The following ERBB4 variants were observed in gnomAD, a reference collection of about 807,000 sequenced individuals.
The protein encoded by ERBB4 is erb-b2 receptor tyrosine kinase 4, also known as receptor tyrosine-protein kinase erbB-4.
A neutral mutation model predicts 158.0 loss-of-function variants in ERBB4; 42 were observed. The observed-to-expected ratio is 0.27, with a 90% CI of 0.21 to 0.34. The LOEUF (loss-of-function observed/expected upper bound fraction) is 0.34. ERBB4 is among the 10% of genes least tolerant of loss of function. ERBB4 has a pLI of 1.00. For synonymous variants in ERBB4, 583 were observed against 558.7 expected (o/e 1.04, Z -0.61); for missense variants, 1,333 against 1,624.1 (o/e 0.82, Z 3.08).
In ERBB4 at chr2:212,347,619, T is replaced by C. The variant is rs867072648; in HGVS notation, c.82+190830A>G. 2.8e-4 allele frequency among the ~76,000 whole-genome samples: 42 copies of C among 152,260 alleles called. No individual in the cohort carries two copies. The Middle Eastern group carries it at 0.041, about 148-fold the overall frequency. On this transcript the variant is annotated intron_variant, in intron 1 of 27. Transcript: ENST00000342788. Reference sequence around the variant, plus strand: ...TTGCAGATATTTGATTGTCTAAAATTTTGGAATATTTGCAGTATGCAGTAT... The same window carrying C: ...TTGCAGATATTTGATTGTCTAAAATCTTGGAATATTTGCAGTATGCAGTAT...
At chr2:211,490,312 C>A (rs1461134724) in intron 20 of ERBB4, among the ~76,000 whole-genome samples, 7 of 150,868 alleles carry the variant, frequency 4.6e-5, no homozygotes, top group Non-Finnish European at 3.0e-5. Context: ...TTATTTCTTT[C>A]TTTATAGCAT....
chr2:212,451,563 A>G (rs1003318969), intron 1 of ERBB4, among the ~76,000 whole-genome samples: 1 of 152,202 alleles, frequency 6.6e-6, no homozygotes, highest in African/African-American at 2.4e-5. Flanking sequence ...CTCTATTTTC[A>G]TTAGTTATTA....
At chr2:211,944,177 C>CTATATATATATATACTA (rs1559154451) in intron 3 of ERBB4, among the ~76,000 whole-genome samples, 2 of 38,582 alleles carry the variant, frequency 5.2e-5, no homozygotes, top group Non-Finnish European at 1.1e-4. Flanking sequence ...TATATATATA[C>CTATATATATATATACTA]TATATATATA....
At chr2:211,813,373 A>G (rs2076803778) in intron 3 of ERBB4, among the ~76,000 whole-genome samples, 1 of 152,230 alleles carries the variant, frequency 6.6e-6, no homozygotes, top group Admixed American at 6.5e-5. Context: ...AGACCTCTAC[A>G]ATAATGAATC....
intron 1 of ERBB4, among the ~76,000 whole-genome samples, chr2:212,314,865 C>T (rs2106247424): frequency 6.6e-6 from 1 of 151,292 alleles, no homozygotes; most frequent in East Asian, 2.0e-4. Flanking sequence ...CTTTCCATTG[C>T]TAACAGATGT....
At chr2:211,639,181 G>A (rs1385152442) in intron 16 of ERBB4, among the ~76,000 whole-genome samples, 2 of 151,814 alleles carry the variant, frequency 1.3e-5, no homozygotes, top group Admixed American at 6.6e-5. Flanking sequence ...CTTTATTATT[G>A]TTTATATACT....
At chr2:211,997,689 C>T (rs1559280005) in intron 2 of ERBB4, among the ~76,000 whole-genome samples, 1 of 151,928 alleles carries the variant, frequency 6.6e-6, no homozygotes, top group African/African-American at 2.4e-5. Context: ...CCCTTCTTCC[C>T]CTCTGTCCTT....
At chr2:211,795,126 T>C (rs1053340224) in intron 3 of ERBB4, among the ~76,000 whole-genome samples, 15 of 151,868 alleles carry the variant, frequency 9.9e-5, no homozygotes, top group African/African-American at 3.6e-4. Context: ...TAATATATGC[T>C]ATATTATAAA....
intron 14 of ERBB4, among the ~76,000 whole-genome samples, chr2:211,668,889 G>T (rs2071726360): frequency 6.6e-6 from 1 of 152,026 alleles, no homozygotes; most frequent in African/African-American, 2.4e-5. Context: ...CCATAACAGG[G>T]AGGCTCGCTG....
chr2:212,441,038 T>C (rs2092243578), intron 1 of ERBB4, among the ~76,000 whole-genome samples: 1 of 152,180 alleles, frequency 6.6e-6, no homozygotes, highest in African/African-American at 2.4e-5. Flanking sequence ...TGTGAGTGGC[T>C]GATCTGCAAC....
intron 1 of ERBB4, among the ~76,000 whole-genome samples, chr2:212,471,786 T>C (rs1689130653): frequency 6.6e-6 from 1 of 151,954 alleles, no homozygotes; most frequent in Non-Finnish European, 1.5e-5. Context: ...TTAATGCTAA[T>C]AACACTGCTA....
intron 1 of ERBB4, among the ~76,000 whole-genome samples, chr2:212,263,427 A>T (rs560917171): frequency 6.6e-6 from 1 of 152,242 alleles, no homozygotes; most frequent in Admixed American, 6.5e-5. Context: ...ATGCGTGCCT[A>T]AAAACTCAAG....
chr2:212,101,350 C>CATATATATATATATACATATAT (rs143314380), intron 2 of ERBB4, among the ~76,000 whole-genome samples: 3 of 143,086 alleles, frequency 2.1e-5, no homozygotes, highest in African/African-American at 5.2e-5. Flanking sequence ...ACACCCTATA[C>CATATATATATATATACATATAT]ATATATATAT....
intron 3 of ERBB4, among the ~76,000 whole-genome samples, chr2:211,813,608 C>G (rs1009692136): frequency 6.6e-6 from 1 of 152,022 alleles, no homozygotes; most frequent in African/African-American, 2.4e-5. Context: ...TTAAATAACA[C>G]TTTTTTTCTG....
At chr2:212,059,003 C>A (rs2077673304) in intron 2 of ERBB4, among the ~76,000 whole-genome samples, 3 of 152,260 alleles carry the variant, frequency 2.0e-5, no homozygotes, top group African/African-American at 7.2e-5. Flanking sequence ...GTCAAATTGT[C>A]CCTGTTTGCA....
chr2:212,059,497 C>G (rs1232920727), intron 2 of ERBB4, among the ~76,000 whole-genome samples: 1 of 152,092 alleles, frequency 6.6e-6, no homozygotes, highest in Non-Finnish European at 1.5e-5. Flanking sequence ...CAATTCTAAG[C>G]CAAAAGAACA....
chr2:211,449,324 T>G (rs960872534), intron 20 of ERBB4, among the ~76,000 whole-genome samples: 1 of 152,136 alleles, frequency 6.6e-6, no homozygotes, highest in Admixed American at 6.5e-5. Context: ...TTTTGTAAAA[T>G]TTAATATTTT....
chr2:212,367,805 C>CA (rs1208502352), intron 1 of ERBB4, among the ~76,000 whole-genome samples: 2 of 151,892 alleles, frequency 1.3e-5, no homozygotes, highest in African/African-American at 4.8e-5. Context: ...AAAGGAGATA[C>CA]AAATGGCCAA....
intron 20 of ERBB4, among the ~76,000 whole-genome samples, chr2:211,530,523 A>G (rs1293408230): frequency 6.6e-6 from 1 of 152,130 alleles, no homozygotes; most frequent in Non-Finnish European, 1.5e-5. Flanking sequence ...GGAACCATAA[A>G]AGACCCAGAA....
Sources: gnomAD v4.1 joint callset for allele counts (sites outside exome capture counted in the v4.1 genomes callset) on GRCh38, gnomAD v4.1.1 for gene constraint, MANE v1.5 for transcripts, NCBI Gene and HGNC (gene_info 2026-07-23, HGNC 2026-07-21) for gene names.